RPTOR: variants seen among roughly 807,000 people sequenced by gnomAD.
RPTOR encodes regulatory-associated protein of mTOR.
A neutral mutation model predicts 169.9 loss-of-function variants in RPTOR; 21 were observed. The ratio of observed to expected loss-of-function variants is 0.12; its 90% CI spans 0.09 to 0.18. The LOEUF is 0.18. Among genes scored for constraint, RPTOR ranks in the 10% least tolerant of loss-of-function variants. The pLI is 1.00. For synonymous variants in RPTOR, 732 were observed against 753.2 expected, an observed-to-expected ratio of 0.97 and a Z score of 0.46; for missense variants, 1,133 against 1,855.9, an observed-to-expected ratio of 0.61 and a Z score of 7.16.
At chr17:80,604,137 G>A (rs909099711) in intron 1 of RPTOR, among the ~76,000 whole-genome samples, 1 of 152,174 alleles carries the variant, frequency 6.6e-6, no homozygotes, top group Admixed American at 6.5e-5. Context: ...GAAAACAAGC[G>A]AATATTGACA....
In RPTOR at chr17:80,785,265, C is replaced by T. The variant is rs114342148; in HGVS notation, c.831-6185C>T. On this transcript the variant is annotated intron_variant, in intron 6 of 33. Coordinates refer to ENST00000306801, the MANE Select transcript of RPTOR (RefSeq NM_020761.3). ...GGTCAGGATACAGAAAAGCAACTAC[C>T]AAAGGCTAAAAATGAGCAGGGATAT... Among the ~76,000 whole-genome samples the T allele has an allele frequency of 8.0e-3, 1,224 of 152,204 alleles. 20 individuals are homozygous for T. Among genetic ancestry groups the T allele is most frequent in the African/African-American group, 0.028 (1,180 of 41,518 alleles).
In RPTOR at chr17:80,962,427, G is replaced by C. The variant is rs374794240; in HGVS notation, c.3693-34G>C. ...TGGCCAGGCCCCTCATGGGGCCTCCGGGAGGAGGTGTCACTGTGACCCTCT... is the reference window on the plus strand; with the variant it reads ...TGGCCAGGCCCCTCATGGGGCCTCCCGGAGGAGGTGTCACTGTGACCCTCT... On this transcript the variant is annotated intron_variant, in intron 31 of 33. Transcript: ENST00000306801. The C allele has an allele frequency of 4.4e-6, 7 of 1,582,700 alleles. No homozygotes were observed. The South Asian group carries it at 7.8e-5, about 18-fold the overall frequency.
intron 6 of RPTOR, among the ~76,000 whole-genome samples, chr17:80,776,660 C>CAACCTTTTGTTGTAATT (rs1230750548): frequency 6.6e-6 from 1 of 152,130 alleles, no homozygotes; most frequent in Admixed American, 6.5e-5. Context: ...GCTCTAATTA[C>CAACCTTTTGTTGTAATT]ACGGCCCCAA....
At chr17:80,885,510 G>A (rs1000259134) in intron 17 of RPTOR, among the ~76,000 whole-genome samples, 3 of 152,148 alleles carry the variant, frequency 2.0e-5, no homozygotes, top group Non-Finnish European at 4.4e-5. Context: ...ATGTACGTCA[G>A]CGACTGAACA....
At chr17:80,743,061 C>T (rs747436066) in intron 5 of RPTOR, among the ~76,000 whole-genome samples, 1 of 152,136 alleles carries the variant, frequency 6.6e-6, no homozygotes, top group African/African-American at 2.4e-5. Context: ...GTGTCTGGAT[C>T]CAGCCTTATT....
rs1456338444 is a variant in RPTOR at position 80,651,993 on chromosome 17, C to T, written c.348+8183C>T. On this transcript the variant is annotated intron_variant, in intron 3 of 33. Coordinates refer to ENST00000306801, the MANE Select transcript of RPTOR (RefSeq NM_020761.3). The surrounding 1 kb of genome is among the most constrained non-coding windows in gnomAD (Gnocchi z 4.1). ...ACTGCACTCCAGCCTGGGGCGACAG[C>T]GTGAGACTCCGTCTCAAAAAAAAAA... is the stretch of plus-strand genomic sequence containing the variant. Among the ~76,000 whole-genome samples the T allele has an allele frequency of 6.4e-5, 9 of 140,648 alleles. No individual in the cohort carries two copies. The highest frequency in any genetic ancestry group is 5.5e-4 in the Admixed American group (8 of 14,426). 92.3% of individuals were successfully genotyped at this position (140,648 alleles called of 152,430 possible). A position where few individuals can be genotyped will look rare whatever the true frequency, so the allele number is the denominator to read the frequency against.
intron 24 of RPTOR, among the ~76,000 whole-genome samples, chr17:80,927,734 G>GTGTGTCCCTGTA (rs2068829492): frequency 6.7e-6 from 1 of 149,812 alleles, no homozygotes; most frequent in Non-Finnish European, 1.5e-5. Context: ...GTGTGTTTCT[G>GTGTGTCCCTGTA]TGTGTCTGTG....
chr17:80,899,413 T>G (rs1029585322), intron 20 of RPTOR, among the ~76,000 whole-genome samples: 16 of 152,392 alleles, frequency 1.0e-4, no homozygotes, highest in Middle Eastern at 3.4e-3. Flanking sequence ...TTTAAAAATT[T>G]TTTTTTAAGT....
chr17:80,654,336 G>A (rs911523927), intron 3 of RPTOR, among the ~76,000 whole-genome samples: 3 of 152,158 alleles, frequency 2.0e-5, no homozygotes, highest in Non-Finnish European at 1.5e-5. Context: ...TCCCAGGTGA[G>A]GGCTGCACGG....
In RPTOR at chr17:80,682,851, C is replaced by T. The variant is rs567063770; in HGVS notation, c.349-24990C>T. ...TTGCTGTGTTCCCCAGGCTGGAGTG[C>T]AGTGGTGTGATCCATCATAGCTCAC... is the stretch of plus-strand genomic sequence containing the variant. On this transcript the variant is annotated intron_variant, in intron 3 of 33. Coordinates refer to ENST00000306801, the MANE Select transcript of RPTOR (RefSeq NM_020761.3). Among the ~76,000 whole-genome samples, 8 of 152,050 alleles carry T rather than the reference C, an allele frequency of 5.3e-5. No individual in the cohort carries two copies. In the East Asian group the frequency reaches 1.5e-3, roughly 29 times the overall value.
intron 4 of RPTOR, among the ~76,000 whole-genome samples, chr17:80,720,138 C>T (rs1447075097): frequency 6.6e-6 from 1 of 151,730 alleles, no homozygotes; most frequent in Non-Finnish European, 1.5e-5. Flanking sequence ...ATTAAAAATA[C>T]CAAAAAAAAA....
chr17:80,890,128 T>G (rs2068301931), intron 17 of RPTOR, among the ~76,000 whole-genome samples: 2 of 152,034 alleles, frequency 1.3e-5, no homozygotes, highest in African/African-American at 4.8e-5. Context: ...GGATGTGTGT[T>G]CGGGAGTGAG....
intron 1 of RPTOR, among the ~76,000 whole-genome samples, chr17:80,581,012 C>T (rs1175795294): frequency 6.6e-6 from 1 of 152,106 alleles, no homozygotes; most frequent in African/African-American, 2.4e-5. Flanking sequence ...GAGGAAGGTC[C>T]CCTTGGAAGT....
intron 1 of RPTOR, among the ~76,000 whole-genome samples, chr17:80,581,348 A>G (rs934652826): frequency 2.6e-5 from 4 of 152,176 alleles, no homozygotes; most frequent in African/African-American, 9.7e-5. Flanking sequence ...GCAGGTAAAC[A>G]TTTAGCCATT....
At chr17:80,631,758 C>A (rs2065444105) in intron 2 of RPTOR, among the ~76,000 whole-genome samples, 1 of 152,072 alleles carries the variant, frequency 6.6e-6, no homozygotes, top group Non-Finnish European at 1.5e-5. Flanking sequence ...CATGTCTCTA[C>A]AACAAATCAG....
intron 6 of RPTOR, among the ~76,000 whole-genome samples, chr17:80,773,013 C>A (rs1369415053): frequency 2.0e-5 from 3 of 152,198 alleles, no homozygotes; most frequent in Admixed American, 6.5e-5. Context: ...TGGCTTCATG[C>A]ATGCAGGGCT....
intron 1 of RPTOR, among the ~76,000 whole-genome samples, chr17:80,592,975 G>A (rs962042844): frequency 1.4e-4 from 22 of 152,234 alleles, no homozygotes; most frequent in Admixed American, 7.2e-4. Flanking sequence ...ATAACTGGCC[G>A]CAAAAACACA....
At chr17:80,590,405 A>G (rs1197415834) in intron 1 of RPTOR, among the ~76,000 whole-genome samples, 1 of 150,770 alleles carries the variant, frequency 6.6e-6, no homozygotes, top group Non-Finnish European at 1.5e-5. Context: ...GTAGGCATGC[A>G]GGTATGCGCA....
At chr17:80,921,788 C>A (rs1427578136) in intron 21 of RPTOR, among the ~76,000 whole-genome samples, 1 of 152,144 alleles carries the variant, frequency 6.6e-6, no homozygotes, top group African/African-American at 2.4e-5. Flanking sequence ...AGCTGTGCAC[C>A]ACCCTGCTCC....
Sources: allele counts gnomAD v4.1 joint callset (sites outside exome capture counted in the v4.1 genomes callset), GRCh38; gene constraint gnomAD v4.1.1; non-coding constraint Gnocchi (gnomAD v3.1); transcripts MANE v1.5; gene names NCBI Gene and HGNC (gene_info 2026-07-23, HGNC 2026-07-21).